The following SZT2 variants were observed in gnomAD, a reference collection of about 807,000 sequenced individuals.
The protein encoded by SZT2 is SZT2 subunit of KICSTOR complex.
A neutral mutation model predicts 404.2 loss-of-function variants in SZT2; 216 were observed. The ratio of observed to expected loss-of-function variants is 0.53; its 90% CI spans 0.48 to 0.60. The LOEUF is 0.60. SZT2 is among the 20% of genes least tolerant of loss of function. SZT2 has a pLI of 0.00. For synonymous variants in SZT2, 1,693 were observed against 1,749.9 expected (o/e 0.97, Z 0.81); for missense variants, 3,857 against 4,459.2 (o/e 0.86, Z 3.85).
At chr1:43,402,460 GTTTC>G (rs760649836) in intron 1 of SZT2, among the ~76,000 whole-genome samples, 1 of 152,234 alleles carries the variant, frequency 6.6e-6, no homozygotes, top group Non-Finnish European at 1.5e-5. Flanking sequence ...AAGGTGACAA[GTTTC>G]TTTCTGTCCA....
chr1:43,451,829 T>A lies in SZT2; in HGVS notation c.*1349T>A, dbSNP rs1326294635. On this transcript the variant is annotated 3_prime_UTR_variant, in exon 72 of 72. Coordinates refer to ENST00000634258, the MANE Select transcript of SZT2 (RefSeq NM_001365999.1). ...TAATTGGAGGTTGGGTCTTCCTACC[T>A]TCTGTAAGATGGCTGCCGCTGTAAG... is the stretch of plus-strand genomic sequence containing the variant. 3.7e-6 allele frequency: 6 copies of A among 1,614,040 alleles called. No individual in the cohort carries two copies. The highest frequency in any genetic ancestry group is 1.7e-5 in the Admixed American group (1 of 60,018).
In SZT2 at chr1:43,429,824, G is replaced by A. The variant is rs1553149451; in HGVS notation, c.4288G>A (p.Ala1430Thr). The A allele has an allele frequency of 1.9e-6, 3 of 1,614,188 alleles. No homozygotes were observed. Among genetic ancestry groups the A allele is most frequent in the Non-Finnish European group, 2.5e-6 (3 of 1,180,038 alleles). The change falls in exon 29 of 72, where the codon GCC becomes ACC. Residue 1430 changes from alanine to threonine, a missense_variant. Physicochemically the swap from Ala to Thr is moderately conservative, Grantham distance 58. Coordinates refer to ENST00000634258, the MANE Select transcript of SZT2 (RefSeq NM_001365999.1). ...CCAGCTCAGAGGAGAGGCCCATGGT[G>A]CCCTTCATAGCGTCATCCAGGTGGG... is the stretch of plus-strand genomic sequence containing the variant. ...VCQLRGEAHG[A>T]LHSVIQEKFL... is the part of the protein sequence containing the mutation.
intron 1 of SZT2, among the ~76,000 whole-genome samples, chr1:43,398,146 CA>C (rs1469027513): frequency 6.6e-6 from 1 of 152,106 alleles, no homozygotes; most frequent in African/African-American, 2.4e-5. Flanking sequence ...TATTTAGTAC[CA>C]AAGAACAAAA....
chr1:43,439,028 C>T lies in SZT2; in HGVS notation c.6727C>T (p.Gln2243Ter). The T allele has an allele frequency of 6.2e-7, 1 of 1,614,238 alleles. No homozygotes were observed. The highest frequency in any genetic ancestry group is 8.5e-7 in the Non-Finnish European group (1 of 1,180,040). ...TCCAGCCCTGGCATGGTACCTACGG[C>T]AGAACTTGCTCATCTTCCTGCACTC... ...WLPALAWYLR[Q>*]NLLIFLHSPK... Residue 2243 changes from glutamine (Q) to a stop codon, truncating the protein, a stop_gained, in exon 48 of 72, where the codon CAG (glutamine) becomes TAG (stop). Transcript: ENST00000634258. LOFTEE classifies it high-confidence loss of function. The surrounding 1 kb of genome is among the most constrained non-coding windows in gnomAD (Gnocchi z 4.2).
chr1:43,431,237 A>G (rs774539828), intron 33 of SZT2, 28 bp from the exon 34 acceptor site: 36 of 1,579,930 alleles, frequency 2.3e-5, no homozygotes, highest in Middle Eastern at 1.7e-4. Context: ...GTAACTCCTG[A>G]CCTTTGACTT....
In SZT2 at chr1:43,448,482, C is replaced by T. The variant is rs1655967132; in HGVS notation, c.9967C>T (p.Leu3323=). The change falls in exon 69 of 72, where the codon CTG becomes TTG. Residue 3323 remains leucine, a splice_region_variant and synonymous_variant. Transcript: ENST00000634258. The surrounding 1 kb of genome is among the most constrained non-coding windows in gnomAD (Gnocchi z 4.2). ...ATCCATTGGGGACATCGACCCCCAG[C>T]TGGTAAGGAACTGTGGGCTCCCGAA... ...AKSIGDIDPQ[L]DCFLSMTVSW... is the part of the protein sequence containing the mutation. 1.2e-6 allele frequency: 2 copies of T among 1,608,682 alleles called. No individual in the cohort carries two copies. The highest frequency in any genetic ancestry group is 4.5e-5 in the East Asian group (2 of 44,832).
At position 43,430,088 on chromosome 1, in the gene SZT2, A is replaced by G. The variant is rs773112368; in HGVS notation, c.4386A>G (p.Pro1462=). 6.2e-7 allele frequency: 1 copy of G among 1,614,058 alleles called. No homozygotes were observed. Among genetic ancestry groups the G allele is most frequent in the South Asian group, 1.1e-5 (1 of 91,072 alleles). The part of the protein sequence containing the change: ...SNPHYFFYCP[P]SSRREDEGPR... ...CCCACTACTTCTTCTATTGCCCTCC[A>G]TCCAGCAGGCGAGAAGTGAGTGGCT... is the stretch of plus-strand genomic sequence containing the variant. Residue 1462 remains proline (P), a synonymous_variant, in exon 30 of 72, where the codon CCA becomes CCG. Transcript: ENST00000634258.
In SZT2 at chr1:43,443,737, G is replaced by T; in HGVS notation, c.8766G>T (p.Gln2922His). The stretch of plus-strand genomic sequence containing the variant: ...TGGCTTTCCTGCAGCAATATGTGCA[G>T]TATCTGCAGAGCATAGGTTTTGTGC... Reference protein sequence around the residue: ...LSLAFLQQYVQYLQSIGFVLV... With the variant: ...LSLAFLQQYVHYLQSIGFVLV... Residue 2922 changes from glutamine (Q) to histidine (H), a missense_variant, in exon 62 of 72, where the codon CAG becomes CAT. Coordinates refer to ENST00000634258, the MANE Select transcript of SZT2 (RefSeq NM_001365999.1). 6.2e-7 allele frequency: 1 copy of T among 1,614,240 alleles called. No individual in the cohort carries two copies. The highest frequency in any genetic ancestry group is 8.5e-7 in the Non-Finnish European group (1 of 1,180,046).
Position 43,424,922 on chromosome 1 carries a change from C to G in SZT2, c.2550+60C>G. The G allele has an allele frequency of 6.4e-7, 1 of 1,565,468 alleles. No individual in the cohort carries two copies. Among genetic ancestry groups the G allele is most frequent in the Non-Finnish European group, 8.8e-7 (1 of 1,136,840 alleles). On this transcript the variant is annotated intron_variant, in intron 17 of 71. Transcript: ENST00000634258. This position sits in a 1 kb window ranked among gnomAD's most constrained non-coding sequence, Gnocchi z 4.1. ...GGTCTGTCATAATCCCAGGGACACT[C>G]ACCTCTGAGCTGGGTTGGGACTGCT...
At position 43,433,139 on chromosome 1, in the gene SZT2, G is replaced by T. The variant is rs564754594; in HGVS notation, c.5753G>T (p.Trp1918Leu). ...CCTGGGCCCTGCCTGCCTGACTTCT[G>T]GCTCATTGTCCGGGTCCTGCAGGAC... ...GLPGPCLPDF[W>L]LIVRVLQDRV... The change falls in exon 40 of 72, where the codon TGG becomes TTG. Residue 1918 changes from tryptophan (W) to leucine (L), a missense_variant. Around this residue, in one of 7 missense-constraint regions of SZT2, gnomAD observed 1,725 missense variants for 1,881.0 expected, o/e 0.92. Coordinates refer to ENST00000634258, the MANE Select transcript of SZT2 (RefSeq NM_001365999.1). The T allele has an allele frequency of 6.2e-7, 1 of 1,614,006 alleles. No homozygotes were observed. Among genetic ancestry groups the T allele is most frequent in the African/African-American group, 1.3e-5 (1 of 74,918 alleles).
intron 62 of SZT2, 47 bp downstream of exon 62, chr1:43,443,843 A>C: frequency 6.2e-7 from 1 of 1,607,672 alleles, no homozygotes; most frequent in Non-Finnish European, 8.5e-7. Flanking sequence ...CCTGCACTGC[A>C]AGTGAGGCCC....
At position 43,453,173 on chromosome 1, in the gene SZT2, ATCCCAGCATGGGG is replaced by A. The variant is rs1449698918; in HGVS notation, c.*2695_*2707del. 4 of 652,868 alleles carry A rather than the reference ATCCCAGCATGGGG, an allele frequency of 6.1e-6. No individual in the cohort carries two copies. The highest frequency in any genetic ancestry group is 3.6e-5 in the South Asian group (2 of 55,774). 40.4% of individuals were successfully genotyped at this position (652,868 alleles called of 1,614,324 possible). A position where few individuals can be genotyped will look rare whatever the true frequency, so the allele number is the denominator to read the frequency against. On this transcript the variant is annotated 3_prime_UTR_variant, in exon 72 of 72. Coordinates refer to ENST00000634258, the MANE Select transcript of SZT2 (RefSeq NM_001365999.1). ...AGGCAGACTGAGCTCCCAGCATGGG[ATCCCAGCATGGGG>A]TGAGCATGAAAGAGTGGCAAACAGA...
intron 66 of SZT2, 71 bp from the exon 67 acceptor site, chr1:43,447,474 C>T: frequency 1.9e-6 from 3 of 1,563,102 alleles, no homozygotes; most frequent in Admixed American, 1.8e-5. Flanking sequence ...GACTCCCATC[C>T]CTGTGCCCCA....
intron 65 of SZT2, 94 bp from the exon 66 acceptor site, chr1:43,446,861 A>G (rs1655733639): frequency 2.2e-6 from 3 of 1,339,514 alleles, no homozygotes; most frequent in South Asian, 2.6e-5. Context: ...CAGCAGGGGA[A>G]ATCTTGTGCT....
chr1:43,407,994 G>A lies in SZT2; in HGVS notation c.498+3444G>A, dbSNP rs185787706. 8.4e-3 allele frequency among the ~76,000 whole-genome samples: 1,273 copies of A among 151,746 alleles called. 18 individuals carry two copies. The highest frequency in any genetic ancestry group is 0.029 in the African/African-American group (1,188 of 41,410). ...ACTACAGGCGCCCGCCACCACGCCC[G>A]GCTAATTTTTTGTATTTTTAGTAGA... On this transcript the variant is annotated intron_variant, in intron 4 of 71. Coordinates refer to ENST00000634258, the MANE Select transcript of SZT2 (RefSeq NM_001365999.1).
rs1478383620 is a variant in SZT2, at chr1:43,442,641, C to T, written c.8151+23C>T. The T allele has an allele frequency of 1.3e-6, 2 of 1,576,630 alleles. No individual in the cohort carries two copies. The highest frequency in any genetic ancestry group is 2.3e-5 in the South Asian group (2 of 86,400). On this transcript the variant is annotated intron_variant, in intron 58 of 71. Coordinates refer to ENST00000634258, the MANE Select transcript of SZT2 (RefSeq NM_001365999.1). This position sits in a 1 kb window ranked among gnomAD's most constrained non-coding sequence, Gnocchi z 4.5. The stretch of plus-strand genomic sequence containing the variant: ...AAGGTGCCTGCTGCTCTGGTTCTTC[C>T]TATAGTTTTGGCTACTGAGGGGTCA...
In SZT2 at chr1:43,422,857, G is replaced by T. The variant is rs754359692; in HGVS notation, c.2011G>T (p.Gly671Cys). The change falls in exon 14 of 72, where the codon GGC (glycine) becomes TGC (cysteine). Residue 671 changes from glycine (G) to cysteine (C), a missense_variant. Transcript: ENST00000634258. ...CMVLRLGFPI[G>C]TPAPARHKIV... ...GGTTCTTCGCCTGGGTTTTCCCATT[G>T]GCACACCAGCACCGGCCCGGCACAA... 4.4e-6 allele frequency: 7 copies of T among 1,590,382 alleles called. No homozygotes were observed. Among genetic ancestry groups the T allele is most frequent in the Non-Finnish European group, 5.1e-6 (6 of 1,176,298 alleles).
At chr1:43,392,495 A>G (rs932569921) in intron 1 of SZT2, among the ~76,000 whole-genome samples, 2 of 151,194 alleles carry the variant, frequency 1.3e-5, no homozygotes, top group Non-Finnish European at 2.9e-5. Flanking sequence ...GCTCACTGCA[A>G]CCTCCGCCTC....
At position 43,452,148 on chromosome 1, in the gene SZT2, C is replaced by A; in HGVS notation, c.*1668C>A. On this transcript the variant is annotated 3_prime_UTR_variant, in exon 72 of 72. Coordinates refer to ENST00000634258, the MANE Select transcript of SZT2 (RefSeq NM_001365999.1). Reference sequence around the variant, plus strand: ...CACGTGCTGTCCCCACTGTGCACCCCCTTCTCCGCACACCCACAGAGACAT... The same window carrying A: ...CACGTGCTGTCCCCACTGTGCACCCACTTCTCCGCACACCCACAGAGACAT... The A allele has an allele frequency of 1.3e-6, 2 of 1,515,896 alleles. No individual in the cohort carries two copies. The highest frequency in any genetic ancestry group is 1.8e-6 in the Non-Finnish European group (2 of 1,099,442). The allele number at this position is 1,515,896 out of a possible 1,614,324, so 93.9% of individuals were successfully genotyped here.
Sources: gnomAD v4.1 joint callset for allele counts (sites outside exome capture counted in the v4.1 genomes callset) on GRCh38, gnomAD v4.1.1 for gene constraint, gnomAD v4.1.1 regional missense constraint, Gnocchi (gnomAD v3.1) non-coding constraint, MANE v1.5 for transcripts, NCBI Gene and HGNC (gene_info 2026-07-23, HGNC 2026-07-21) for gene names.